The following POTEJ variants were observed in gnomAD, a reference collection of about 807,000 sequenced individuals.
POTEJ encodes POTE ankyrin domain family, member J.
In POTEJ, 11 loss-of-function variants were observed where a neutral mutation model predicts 69.0. The observed-to-expected ratio is 0.16, with a 90% CI of 0.10 to 0.26. The LOEUF (loss-of-function observed/expected upper bound fraction) is 0.26. Ranked by LOEUF, POTEJ falls within the 10% of genes least tolerant of loss-of-function variation. The pLI is 1.00. For synonymous variants in POTEJ, 117 were observed against 381.1 expected (o/e 0.31, Z 8.07); for missense variants, 327 against 1,045.5 (o/e 0.31, Z 9.48).
chr2:130,636,120 G>T (rs1233974303), intron 9 of POTEJ, among the ~76,000 whole-genome samples: 1 of 146,994 alleles, frequency 6.8e-6, no homozygotes, highest in Non-Finnish European at 1.5e-5. Flanking sequence ...CTCTGTGCTT[G>T]GCAGTTCCCT....
chr2:130,651,785 A>C (rs114652345), intron 13 of POTEJ, among the ~76,000 whole-genome samples: 11,046 of 144,382 alleles, frequency 0.077, 2,329 homozygotes, highest in African/African-American at 0.27. Context: ...ATTGTTATGC[A>C]TTTTTATCTC....
intron 14 of POTEJ, among the ~76,000 whole-genome samples, chr2:130,655,256 C>T (rs1558935063): frequency 6.6e-6 from 1 of 152,102 alleles, no homozygotes; most frequent in East Asian, 1.9e-4. Context: ...TGCACAATGG[C>T]CTCAATCCAA....
At chr2:130,624,824 A>C (rs1303012903) in intron 6 of POTEJ, among the ~76,000 whole-genome samples, 2 of 152,094 alleles carry the variant, frequency 1.3e-5, no homozygotes, top group African/African-American at 4.8e-5. Context: ...ATTCCTCCTC[A>C]TTTGAAGTTG....
intron 10 of POTEJ, among the ~76,000 whole-genome samples, chr2:130,641,051 T>G (rs1686348737): frequency 6.6e-6 from 1 of 152,058 alleles, no homozygotes; most frequent in Non-Finnish European, 1.5e-5. Context: ...CTCTGTCATA[T>G]CTACTTAACC....
intron 9 of POTEJ, among the ~76,000 whole-genome samples, chr2:130,634,005 G>A (rs2105227301): frequency 6.6e-6 from 1 of 151,184 alleles, no homozygotes; most frequent in Non-Finnish European, 1.5e-5. Flanking sequence ...TTGACTTTCT[G>A]AGCTCTAGTG....
rs756213281 is a variant in POTEJ at position 130,656,874 on chromosome 2, G to A, written c.2114G>A (p.Gly705Asp). The stretch of plus-strand genomic sequence containing the variant: ...ATCGTGGGGTGCCCCAGGCAGCAGG[G>A]CATGATGGGGGGCATGCATCAGAAA... ...PSIVGCPRQQ[G>D]MMGGMHQKES... Residue 705 changes from glycine to aspartate, a missense_variant, in exon 15 of 15, where the codon GGC (glycine) becomes GAC (aspartate). Transcript: ENST00000409602. 2 of 1,594,734 alleles carry A rather than the reference G, an allele frequency of 1.3e-6. 1 individual carries two copies. Among genetic ancestry groups the A allele is most frequent in the South Asian group, 2.2e-5 (2 of 90,782 alleles).
chr2:130,639,006 C>A (rs1395054950), intron 10 of POTEJ, among the ~76,000 whole-genome samples: 5 of 152,254 alleles, frequency 3.3e-5, no homozygotes, highest in African/African-American at 7.2e-5. Flanking sequence ...TCATAGGAAG[C>A]ACACAACCTA....
At chr2:130,649,719 T>C (rs1325494621) in intron 13 of POTEJ, among the ~76,000 whole-genome samples, 2 of 149,994 alleles carry the variant, frequency 1.3e-5, no homozygotes, top group African/African-American at 5.0e-5. Context: ...CTGTTTCTTA[T>C]CTCTATTGCT....
chr2:130,632,798 G>A, intron 9 of POTEJ, 142 bp downstream of exon 9: 1 of 1,273,684 alleles, frequency 7.9e-7, no homozygotes, highest in East Asian at 2.3e-5. Flanking sequence ...ATGAAAATCA[G>A]CGAACAATGA....
chr2:130,640,985 G>T (rs539559998), intron 10 of POTEJ, among the ~76,000 whole-genome samples: 55 of 151,940 alleles, frequency 3.6e-4, no homozygotes, highest in Admixed American at 5.9e-4. Flanking sequence ...GTGTAAAATG[G>T]GTTAGCAGGC....
rs771868838 is a variant in POTEJ at position 130,657,243 on chromosome 2, TC to T, written c.2484del (p.Tyr829MetfsTer13). On this transcript the variant is annotated frameshift_variant, in exon 15 of 15. Coordinates refer to ENST00000409602, the MANE Select transcript of POTEJ (RefSeq NM_001277083.2). LOFTEE classifies it high-confidence loss of function. ...GACGGGGTCACCCACACTGTGCCCA[TC>T]TATGATGGGAATGCCCTCCCCCATG... ...SGDGVTHTVP[I>X]YDGNALPHAT... 2 of 1,548,308 alleles carry T rather than the reference TC, an allele frequency of 1.3e-6. No individual in the cohort carries two copies. Among genetic ancestry groups the T allele is most frequent in the East Asian group, 2.2e-5 (1 of 44,736 alleles).
At chr2:130,650,344 G>A (rs1277428480) in intron 13 of POTEJ, among the ~76,000 whole-genome samples, 1 of 152,254 alleles carries the variant, frequency 6.6e-6, no homozygotes, top group Non-Finnish European at 1.5e-5. Context: ...TCATTTTCCT[G>A]CTTTAGTTTT....
At position 130,611,736 on chromosome 2, in the gene POTEJ, C is replaced by T. The variant is rs1346337275; in HGVS notation, c.204C>T (p.Cys68=). 1.9e-6 allele frequency: 3 copies of T among 1,569,226 alleles called. No individual in the cohort carries two copies. The highest frequency in any genetic ancestry group is 1.6e-5 in the African/African-American group (1 of 64,114). The change falls in exon 1 of 15, where the codon TGC becomes TGT. Residue 68 remains cysteine (C), a synonymous_variant. Transcript: ENST00000409602. The part of the protein sequence containing the change: ...RSKMGKWCCH[C]FPCCRGSGKS... Reference sequence around the variant, plus strand: ...AGATGGGCAAGTGGTGCTGCCACTGCTTCCCCTGCTGCAGGGGGAGCGGCA... The same window carrying T: ...AGATGGGCAAGTGGTGCTGCCACTGTTTCCCCTGCTGCAGGGGGAGCGGCA...
intron 1 of POTEJ, among the ~76,000 whole-genome samples, chr2:130,613,443 C>T (rs1218475178): frequency 1.4e-5 from 2 of 138,482 alleles, no homozygotes; most frequent in Non-Finnish European, 3.0e-5. Context: ...ACTCTGTAGC[C>T]CAAGCTGGAG....
In POTEJ at chr2:130,651,819, T is replaced by G. The variant is rs1465931696; in HGVS notation, c.1668-3102T>G. ...TCATTAAAAAGTTGTTACAATTTTCTGCTGGCAAATCTAGCTTTTTCTATA... is the reference window on the plus strand; with the variant it reads ...TCATTAAAAAGTTGTTACAATTTTCGGCTGGCAAATCTAGCTTTTTCTATA... On this transcript the variant is annotated intron_variant, in intron 13 of 14. Transcript: ENST00000409602. Among the ~76,000 whole-genome samples, 10 of 145,974 alleles carry G rather than the reference T, an allele frequency of 6.9e-5. 1 individual carries two copies. The highest frequency in any genetic ancestry group is 1.4e-4 in the Non-Finnish European group (9 of 65,800).
intron 10 of POTEJ, among the ~76,000 whole-genome samples, chr2:130,640,469 C>T (rs1401170083): frequency 8.6e-5 from 13 of 151,128 alleles, no homozygotes; most frequent in African/African-American, 3.2e-4. Flanking sequence ...GTGGCTAAAA[C>T]AGTAGGAACC....
intron 6 of POTEJ, among the ~76,000 whole-genome samples, chr2:130,624,891 T>C (rs1461089477): frequency 6.6e-6 from 1 of 152,130 alleles, no homozygotes; most frequent in Non-Finnish European, 1.5e-5. Flanking sequence ...TGCTGGTTAA[T>C]TGTCATCATA....
In POTEJ at chr2:130,656,599, G is replaced by T. The variant is rs779609109; in HGVS notation, c.1839G>T (p.Met613Ile). 3 of 1,609,698 alleles carry T rather than the reference G, an allele frequency of 1.9e-6. No homozygotes were observed. In the African/African-American group the frequency reaches 4.1e-5, roughly 22 times the overall value. ...KERDFLHENS[M>I]LREEIAMLRL... Reference sequence around the variant, plus strand: ...GAGACTTCTTGCATGAAAATAGTATGTTGCGGGAAGAAATTGCCATGCTAA... The same window carrying T: ...GAGACTTCTTGCATGAAAATAGTATTTTGCGGGAAGAAATTGCCATGCTAA... Residue 613 changes from methionine (M) to isoleucine (I), a missense_variant, in exon 15 of 15, where the codon ATG becomes ATT. By Grantham distance (10) the Met-to-Ile change is conservative. Transcript: ENST00000409602.
At chr2:130,656,458 T>C in intron 14 of POTEJ, 91 bp from the exon 15 acceptor site, 1 of 1,485,868 alleles carries the variant, frequency 6.7e-7, no homozygotes, top group South Asian at 1.3e-5. Flanking sequence ...ATTCTTTCAT[T>C]ATACAAATAC....
Sources: allele counts gnomAD v4.1 joint callset (sites outside exome capture counted in the v4.1 genomes callset), GRCh38; gene constraint gnomAD v4.1.1; transcripts MANE v1.5; gene names NCBI Gene and HGNC (gene_info 2026-07-23, HGNC 2026-07-21).